Variants in FBXL17 observed in about 807,000 individuals in gnomAD.
The protein encoded by FBXL17 is F-box and leucine rich repeat protein 17, also known as F-box/LRR-repeat protein 17.
In FBXL17, 22 loss-of-function variants were observed where a neutral mutation model predicts 66.2. The observed-to-expected ratio is 0.33, with a 90% confidence interval of 0.24 to 0.47. FBXL17 has a LOEUF of 0.47. Ranked by LOEUF, FBXL17 falls within the 20% of genes least tolerant of loss-of-function variation. The pLI, the probability that FBXL17 is intolerant of heterozygous loss-of-function variation, is 1.00. For missense variants in FBXL17, 878 were observed against 948.2 expected, an observed-to-expected ratio of 0.93 and a Z score of 0.97; for synonymous variants, 474 against 400.5, an observed-to-expected ratio of 1.18 and a Z score of -2.19.
intron 5 of FBXL17, among the ~76,000 whole-genome samples, chr5:108,218,876 T>C (rs1000313618): frequency 3.3e-5 from 5 of 152,208 alleles, no homozygotes; most frequent in African/African-American, 7.2e-5. Flanking sequence ...ATTCCATAGG[T>C]TGTCTTTTCA....
chr5:108,205,466 A>G (rs1754078726), intron 5 of FBXL17, among the ~76,000 whole-genome samples: 3 of 152,212 alleles, frequency 2.0e-5, no homozygotes. Context: ...TCAAGGATAT[A>G]TATTTTAATG....
chr5:108,330,904 T>A (rs1001715337), intron 4 of FBXL17, among the ~76,000 whole-genome samples: 2 of 152,002 alleles, frequency 1.3e-5, no homozygotes, highest in African/African-American at 4.8e-5. Context: ...ACAAAAAAAA[T>A]TAGCTGGGCA....
At chr5:108,045,591 T>A (rs1236429592) in intron 6 of FBXL17, among the ~76,000 whole-genome samples, 2 of 152,222 alleles carry the variant, frequency 1.3e-5, no homozygotes, top group Admixed American at 6.5e-5. Context: ...CACTTAACAA[T>A]ATAAATTTCC....
chr5:108,334,804 A>G (rs1760298767), intron 4 of FBXL17, among the ~76,000 whole-genome samples: 2 of 152,192 alleles, frequency 1.3e-5, no homozygotes, highest in Admixed American at 1.3e-4. Flanking sequence ...AAAATTTCAA[A>G]CCCATGGTGT....
chr5:107,980,534 C>T (rs148789528), intron 7 of FBXL17, among the ~76,000 whole-genome samples: 3,301 of 147,720 alleles, frequency 0.022, 124 homozygotes, highest in African/African-American at 0.079. Flanking sequence ...CAAGGTTTCA[C>T]CATGTTGCCC....
At chr5:108,021,070 G>C (rs1391250125) in intron 6 of FBXL17, 69 bp from the exon 7 acceptor site, 3 of 1,110,260 alleles carry the variant, frequency 2.7e-6, no homozygotes, top group Non-Finnish European at 4.1e-6. Flanking sequence ...GAATATAATA[G>C]GAAGAGGTCA....
chr5:108,336,817 T>C (rs1336772281), intron 4 of FBXL17, among the ~76,000 whole-genome samples: 1 of 152,192 alleles, frequency 6.6e-6, no homozygotes, highest in African/African-American at 2.4e-5. Context: ...GAATAAAGTA[T>C]ATTTCACCAA....
intron 8 of FBXL17, among the ~76,000 whole-genome samples, chr5:107,868,175 A>C (rs1393413602): frequency 6.6e-6 from 1 of 152,204 alleles, no homozygotes; most frequent in Non-Finnish European, 1.5e-5. Context: ...GGACCCCAGC[A>C]CACAGTGCTC....
chr5:108,333,219 G>A (rs1760216070), intron 4 of FBXL17, among the ~76,000 whole-genome samples: 1 of 147,834 alleles, frequency 6.8e-6, no homozygotes, highest in South Asian at 2.1e-4. Context: ...TATATTTATA[G>A]CTAACAGTAG....
chr5:108,157,806 A>G (rs989209926), intron 6 of FBXL17, among the ~76,000 whole-genome samples: 1 of 152,076 alleles, frequency 6.6e-6, no homozygotes, highest in Non-Finnish European at 1.5e-5. Flanking sequence ...TAAAAGTTCA[A>G]TGTTAAGCAG....
rs1748049964 is a variant in FBXL17, at chr5:107,859,096, A to G, written c.*2624T>C. On this transcript the variant is annotated 3_prime_UTR_variant, in exon 9 of 9. Coordinates refer to ENST00000542267, the MANE Select transcript of FBXL17 (RefSeq NM_001163315.3). ...AAAGATTCACGGAAATATAGAAACT[A>G]CAAACCGGGTGAATTTTCTTTATCC... 1 of 152,222 alleles carries G rather than the reference A, an allele frequency of 6.6e-6. No individual in the cohort carries two copies. Among genetic ancestry groups the G allele is most frequent in the South Asian group, 2.1e-4 (1 of 4,832 alleles). 9.4% of individuals were successfully genotyped at this position (152,222 alleles called of 1,614,324 possible).
intron 4 of FBXL17, among the ~76,000 whole-genome samples, chr5:108,242,396 T>TGTTGTC (rs1398012060): frequency 1.4e-5 from 2 of 141,688 alleles, no homozygotes; most frequent in African/African-American, 2.7e-5. Context: ...TTGTTGTTGT[T>TGTTGTC]GTCATTGTAG....
At chr5:108,172,787 G>C (rs1423694306) in intron 6 of FBXL17, among the ~76,000 whole-genome samples, 1 of 151,954 alleles carries the variant, frequency 6.6e-6, no homozygotes, top group East Asian at 1.9e-4. Context: ...ACCTACAAGA[G>C]CAGCTTTATT....
Position 108,105,761 on chromosome 5 carries a change from T to C in FBXL17, c.1745+80356A>G, listed in dbSNP as rs537089034. On this transcript the variant is annotated intron_variant, in intron 6 of 8. Coordinates refer to ENST00000542267, the MANE Select transcript of FBXL17 (RefSeq NM_001163315.3). ...TCTGCTGATACAACTAACTTTAACA[T>C]TAACTACCCATTACAAAGACAGAAA... Among the ~76,000 whole-genome samples, 944 of 100,950 alleles carry C rather than the reference T, an allele frequency of 9.4e-3. 11 individuals carry two copies. The highest frequency in any genetic ancestry group is 0.033 in the African/African-American group (889 of 26,868). The allele number at this position is 100,950 out of a possible 152,430, so 66.2% of individuals were successfully genotyped here. A position where few individuals can be genotyped will look rare whatever the true frequency, so the allele number is the denominator to read the frequency against.
chr5:107,877,096 A>G (rs1748637571), intron 8 of FBXL17, among the ~76,000 whole-genome samples: 2 of 152,208 alleles, frequency 1.3e-5, no homozygotes, highest in Admixed American at 6.5e-5. Context: ...ACAATGCACT[A>G]AAGTTTAGGA....
intron 4 of FBXL17, among the ~76,000 whole-genome samples, chr5:108,285,309 G>A (rs746245412): frequency 5.9e-5 from 9 of 151,642 alleles, no homozygotes; most frequent in Non-Finnish European, 7.4e-5. Flanking sequence ...TTATATTTTG[G>A]CCTCCTCCCA....
chr5:108,259,176 A>G (rs1756706811), intron 4 of FBXL17, among the ~76,000 whole-genome samples: 1 of 152,214 alleles, frequency 6.6e-6, no homozygotes, highest in Admixed American at 6.5e-5. Flanking sequence ...AGAATCAGGA[A>G]TTGAAGAGAT....
chr5:107,957,277 G>T (rs1225566023), intron 7 of FBXL17, among the ~76,000 whole-genome samples: 2 of 152,038 alleles, frequency 1.3e-5, no homozygotes, highest in Non-Finnish European at 2.9e-5. Flanking sequence ...ACGACATCTG[G>T]TTCCACCGAC....
intron 1 of FBXL17, among the ~76,000 whole-genome samples, chr5:108,380,367 T>C (rs1221549784): frequency 2.6e-5 from 4 of 152,188 alleles, no homozygotes; most frequent in Non-Finnish European, 5.9e-5. Context: ...ACCCACTAAG[T>C]ATAAATTCCT....
Sources: gnomAD v4.1 joint callset for allele counts (sites outside exome capture counted in the v4.1 genomes callset) on GRCh38, gnomAD v4.1.1 for gene constraint, MANE v1.5 for transcripts, NCBI Gene and HGNC (gene_info 2026-07-23, HGNC 2026-07-21) for gene names.